DLG2: variants seen among roughly 807,000 people sequenced by gnomAD.
The protein encoded by DLG2 is discs large MAGUK scaffold protein 2.
DLG2 carries 45 observed loss-of-function variants against 132.5 expected under a neutral mutation model. The observed-to-expected ratio is 0.34, with a 90% CI of 0.27 to 0.44. DLG2 has a LOEUF of 0.44. DLG2 is among the 20% of genes least tolerant of loss of function. DLG2 has a pLI of 1.00. For missense variants in DLG2, 1,045 were observed against 1,196.9 expected (o/e 0.87, Z 1.87); for synonymous variants, 424 against 419.6 (o/e 1.01, Z -0.13).
At chr11:85,382,412 C>T (rs972796418) in intron 3 of DLG2, among the ~76,000 whole-genome samples, 4 of 151,624 alleles carry the variant, frequency 2.6e-5, no homozygotes, top group Non-Finnish European at 5.9e-5. Context: ...AACTATAAAA[C>T]CCTTAGAAAA....
intron 2 of DLG2, among the ~76,000 whole-genome samples, chr11:85,600,471 A>C (rs2080076177): frequency 1.3e-5 from 2 of 152,246 alleles, no homozygotes; most frequent in African/African-American, 2.4e-5. Context: ...ACCTACACGC[A>C]CATGAGTTTG....
intron 18 of DLG2, among the ~76,000 whole-genome samples, chr11:83,705,752 TAC>T (rs1379901258): frequency 6.6e-6 from 1 of 152,230 alleles, no homozygotes; most frequent in Non-Finnish European, 1.5e-5. Flanking sequence ...ATAAAAGATT[TAC>T]AGATTCTCTA....
intron 7 of DLG2, among the ~76,000 whole-genome samples, chr11:84,335,160 C>CAAAA (rs58944265): frequency 0.019 from 1,218 of 62,656 alleles, 36 homozygotes; most frequent in African/African-American, 0.038. Flanking sequence ...ATAAAGAAAG[C>CAAAA]AAAAAAAAAA....
intron 21 of DLG2, among the ~76,000 whole-genome samples, chr11:83,526,943 T>G (rs2095624192): frequency 6.6e-6 from 1 of 152,176 alleles, no homozygotes; most frequent in Non-Finnish European, 1.5e-5. Flanking sequence ...CCAGAAGACC[T>G]GCTCCGTCAG....
intron 3 of DLG2, among the ~76,000 whole-genome samples, chr11:85,467,628 G>A (rs938304543): frequency 2.0e-5 from 3 of 152,188 alleles, no homozygotes; most frequent in Admixed American, 6.5e-5. Context: ...ATTTGCGTAT[G>A]TTGAACCAGC....
At chr11:84,418,246 A>C (rs1482196072) in intron 7 of DLG2, among the ~76,000 whole-genome samples, 2 of 152,188 alleles carry the variant, frequency 1.3e-5, no homozygotes, top group Non-Finnish European at 2.9e-5. Context: ...ACATAGTAAG[A>C]CTTACAAGAT....
At chr11:84,162,790 T>A (rs974326026) in intron 9 of DLG2, among the ~76,000 whole-genome samples, 2 of 152,196 alleles carry the variant, frequency 1.3e-5, no homozygotes, top group African/African-American at 4.8e-5. Context: ...CCTTTGTTCT[T>A]AATGAGGTTG....
chr11:85,486,053 G>GCGC lies in DLG2; in HGVS notation c.40+112601_40+112603dup, dbSNP rs2093421488. On this transcript the variant is annotated intron_variant, in intron 3 of 27. Coordinates refer to ENST00000376104, the MANE Select transcript of DLG2 (RefSeq NM_001142699.3). ...CTCCTCATGTCTACTTGCCCACAGT[G>GCGC]CGCCATCTGAGAGGGGCCCAGCCTT... 2.6e-5 allele frequency among the ~76,000 whole-genome samples: 4 copies of GCGC among 152,272 alleles called. No individual in the cohort carries two copies. In the South Asian group the frequency reaches 8.3e-4, roughly 32 times the overall value.
At chr11:85,378,246 G>T (rs566179837) in intron 3 of DLG2, among the ~76,000 whole-genome samples, 1 of 152,158 alleles carries the variant, frequency 6.6e-6, no homozygotes, top group African/African-American at 2.4e-5. Context: ...CATTCCTCTA[G>T]TTGACAGGGA....
rs139558815 is a variant in DLG2 at position 83,937,043 on chromosome 11, G to A, written c.1341-6560C>T. Among the ~76,000 whole-genome samples the A allele has an allele frequency of 9.9e-5, 15 of 152,186 alleles. No homozygotes were observed. The East Asian group carries it at 2.3e-3, about 23-fold the overall frequency. Reference sequence around the variant, plus strand: ...TAAACTCTTACACTTTTGTAAACCTGCTTTTAAAGGCTTTGTATTGATTTT... The same window carrying A: ...TAAACTCTTACACTTTTGTAAACCTACTTTTAAAGGCTTTGTATTGATTTT... On this transcript the variant is annotated intron_variant, in intron 14 of 27. Coordinates refer to ENST00000376104, the MANE Select transcript of DLG2 (RefSeq NM_001142699.3).
intron 6 of DLG2, among the ~76,000 whole-genome samples, chr11:84,918,293 T>C (rs2092587654): frequency 6.6e-6 from 1 of 152,248 alleles, no homozygotes; most frequent in South Asian, 2.1e-4. Flanking sequence ...ATGCAAGTTA[T>C]GATATAAGGC....
At chr11:85,402,764 G>C (rs2088280062) in intron 3 of DLG2, among the ~76,000 whole-genome samples, 1 of 152,186 alleles carries the variant, frequency 6.6e-6, no homozygotes, top group South Asian at 2.1e-4. Context: ...CTGGTCATTA[G>C]AGAAATGCAA....
At chr11:84,109,600 A>C (rs1235288690) in intron 9 of DLG2, among the ~76,000 whole-genome samples, 1 of 152,234 alleles carries the variant, frequency 6.6e-6, no homozygotes, top group East Asian at 1.9e-4. Flanking sequence ...GTCCTGTAAC[A>C]GTATGTATCC....
intron 3 of DLG2, among the ~76,000 whole-genome samples, chr11:85,435,980 C>T (rs1254433135): frequency 6.6e-6 from 1 of 152,116 alleles, no homozygotes; most frequent in Non-Finnish European, 1.5e-5. Flanking sequence ...ACCAATGGAA[C>T]AGGATAGAGT....
In DLG2 at chr11:84,682,646, AC is replaced by A. The variant is rs202163871; in HGVS notation, c.358-147916del. On this transcript the variant is annotated intron_variant, in intron 6 of 27. Transcript: ENST00000376104. The stretch of plus-strand genomic sequence containing the variant: ...CTGGAGGAAAAAGCCAACCTCCTTG[AC>A]CCACAGGTCTCTCAGTCCCCATGAC... Among the ~76,000 whole-genome samples the A allele has an allele frequency of 3.7e-3, 559 of 152,254 alleles. 4 individuals are homozygous for A. The highest frequency in any genetic ancestry group is 0.013 in the African/African-American group (533 of 41,548).
chr11:85,428,414 T>G (rs946025896), intron 3 of DLG2, among the ~76,000 whole-genome samples: 1 of 152,046 alleles, frequency 6.6e-6, no homozygotes, highest in Non-Finnish European at 1.5e-5. Context: ...GAACAAAAAT[T>G]ATAACAAACT....
intron 17 of DLG2, among the ~76,000 whole-genome samples, chr11:83,832,492 A>G (rs1293953274): frequency 6.6e-6 from 1 of 152,198 alleles, no homozygotes; most frequent in Non-Finnish European, 1.5e-5. Context: ...TCCTAAGCAA[A>G]TTAACACAGG....
intron 7 of DLG2, among the ~76,000 whole-genome samples, chr11:84,289,044 C>T (rs1195527828): frequency 6.6e-6 from 1 of 152,010 alleles, no homozygotes; most frequent in African/African-American, 2.4e-5. Context: ...GAGTCCTTTA[C>T]TCAGCAATAA....
At position 84,643,827 on chromosome 11, in the gene DLG2, A is replaced by C. The variant is rs118050533; in HGVS notation, c.358-109096T>G. Reference sequence around the variant, plus strand: ...ATAAAGCAATGTCTGATGTTTTTGAAATATGACAAGGAAAATAACCATAGA... The same window carrying C: ...ATAAAGCAATGTCTGATGTTTTTGACATATGACAAGGAAAATAACCATAGA... On this transcript the variant is annotated intron_variant, in intron 6 of 27. Transcript: ENST00000376104. Among the ~76,000 whole-genome samples, 1,386 of 152,332 alleles carry C rather than the reference A, an allele frequency of 9.1e-3. 13 individuals are homozygous for C. The highest frequency in any genetic ancestry group is 0.015 in the Non-Finnish European group (1,020 of 68,020).
Sources: gnomAD v4.1 joint callset for allele counts (sites outside exome capture counted in the v4.1 genomes callset) on GRCh38, gnomAD v4.1.1 for gene constraint, MANE v1.5 for transcripts, NCBI Gene and HGNC (gene_info 2026-07-23, HGNC 2026-07-21) for gene names.